FHOD3: variants seen among roughly 807,000 people sequenced by gnomAD.
The protein encoded by FHOD3 is formin homology 2 domain containing 3, also known as FH1/FH2 domain-containing protein 3.
In FHOD3, 90 loss-of-function variants were observed where a neutral mutation model predicts 173.0. That is an observed-to-expected ratio of 0.52 (90% CI 0.44 to 0.62). The LOEUF is 0.62. FHOD3 is among the 20% of genes least tolerant of loss of function. The pLI is 0.00. For synonymous variants in FHOD3, 828 were observed against 823.0 expected (o/e 1.01, Z -0.10); for missense variants, 1,945 against 2,034.7 (o/e 0.96, Z 0.85).
intron 19 of FHOD3, among the ~76,000 whole-genome samples, chr18:36,730,241 T>A (rs2041286533): frequency 6.6e-6 from 1 of 151,964 alleles, no homozygotes. Flanking sequence ...GTAAACCAGC[T>A]CTCTCTGGGC....
intron 26 of FHOD3, among the ~76,000 whole-genome samples, chr18:36,759,846 A>T (rs907714056): frequency 2.0e-5 from 3 of 152,198 alleles, no homozygotes; most frequent in Non-Finnish European, 4.4e-5. Context: ...TGCAAATGTT[A>T]ATCTGACTTT....
At chr18:36,413,830 GCAA>G (rs2049484488) in intron 3 of FHOD3, among the ~76,000 whole-genome samples, 1 of 152,094 alleles carries the variant, frequency 6.6e-6, no homozygotes, top group Non-Finnish European at 1.5e-5. Flanking sequence ...ACCATTTTGT[GCAA>G]CCATCACCAA....
intron 17 of FHOD3, among the ~76,000 whole-genome samples, chr18:36,695,180 T>TAAA (rs537635100): frequency 6.9e-6 from 1 of 143,910 alleles, no homozygotes; most frequent in African/African-American, 2.6e-5. Flanking sequence ...CGGTCTCTGC[T>TAAA]AAAAAAAAAA....
At chr18:36,735,077 G>A (rs955120645) in intron 20 of FHOD3, among the ~76,000 whole-genome samples, 1 of 152,160 alleles carries the variant, frequency 6.6e-6, no homozygotes, top group East Asian at 1.9e-4. Flanking sequence ...ATGGAAGTAT[G>A]ACGATTTTTA....
chr18:36,344,820 T>G lies in FHOD3; in HGVS notation c.166-10719T>G, dbSNP rs533675350. 3.9e-5 allele frequency among the ~76,000 whole-genome samples: 6 copies of G among 152,250 alleles called. No homozygotes were observed. In the South Asian group the frequency reaches 8.3e-4, roughly 21 times the overall value. On this transcript the variant is annotated intron_variant, in intron 1 of 28. Coordinates refer to ENST00000590592, the MANE Select transcript of FHOD3 (RefSeq NM_001281740.3). ...ATCTAAAATATATGGGTACCAAATA[T>G]TGTAAGTAAAGGACTAAAAGAAGAC...
At chr18:36,712,857 A>C (rs943557855) in intron 18 of FHOD3, among the ~76,000 whole-genome samples, 1 of 146,536 alleles carries the variant, frequency 6.8e-6, no homozygotes, top group Non-Finnish European at 1.5e-5. Flanking sequence ...AAAAAAAAAA[A>C]ATTTTGTAAG....
chr18:36,378,557 G>T (rs2047559846), intron 3 of FHOD3, among the ~76,000 whole-genome samples: 1 of 146,876 alleles, frequency 6.8e-6, no homozygotes, highest in African/African-American at 2.6e-5. Flanking sequence ...GGAATTGACA[G>T]GTGTGTCCAA....
chr18:36,431,561 G>A (rs529057862), intron 3 of FHOD3, among the ~76,000 whole-genome samples: 3 of 152,326 alleles, frequency 2.0e-5, no homozygotes, highest in Non-Finnish European at 4.4e-5. Context: ...AGCCTTGATG[G>A]CTGCATTGAA....
intron 17 of FHOD3, among the ~76,000 whole-genome samples, chr18:36,700,913 C>T (rs2039550171): frequency 6.6e-6 from 1 of 152,236 alleles, no homozygotes; most frequent in African/African-American, 2.4e-5. Context: ...CGAGCTGAGG[C>T]ATCTTCTCTT....
At chr18:36,654,791 G>A (rs1028113820) in intron 13 of FHOD3, among the ~76,000 whole-genome samples, 1 of 152,098 alleles carries the variant, frequency 6.6e-6, no homozygotes. Flanking sequence ...CCTTTGCTTG[G>A]TACCATGGAG....
chr18:36,552,745 G>A (rs1319973191), intron 5 of FHOD3, among the ~76,000 whole-genome samples: 5 of 152,022 alleles, frequency 3.3e-5, no homozygotes, highest in Admixed American at 6.5e-5. Flanking sequence ...TGATCCACCC[G>A]CCTCGGCCTC....
chr18:36,320,928 T>C (rs1299611480), intron 1 of FHOD3, among the ~76,000 whole-genome samples: 2 of 152,166 alleles, frequency 1.3e-5, no homozygotes, highest in Admixed American at 1.3e-4. Context: ...GGAGAGATGA[T>C]AAATAAAATG....
intron 2 of FHOD3, 22 bp from the exon 3 acceptor site, chr18:36,372,658 G>C (rs2047250143): frequency 8.1e-6 from 13 of 1,612,596 alleles, no homozygotes; most frequent in Non-Finnish European, 1.1e-5. Flanking sequence ...TGATGCCCCT[G>C]TTTTGTCTCC....
intron 3 of FHOD3, among the ~76,000 whole-genome samples, chr18:36,458,504 G>A (rs2052355303): frequency 6.6e-6 from 1 of 152,072 alleles, no homozygotes; most frequent in Non-Finnish European, 1.5e-5. Flanking sequence ...CCAGAACCAA[G>A]GATGGGGAGT....
intron 3 of FHOD3, among the ~76,000 whole-genome samples, chr18:36,442,338 A>C (rs1207595734): frequency 1.3e-5 from 2 of 152,156 alleles, no homozygotes; most frequent in African/African-American, 4.8e-5. Flanking sequence ...AAGATAAGAT[A>C]ATTTCCATAT....
At chr18:36,423,264 A>G (rs559236099) in intron 3 of FHOD3, among the ~76,000 whole-genome samples, 4 of 152,232 alleles carry the variant, frequency 2.6e-5, no homozygotes, top group Non-Finnish European at 5.9e-5. Flanking sequence ...ATTTAATGCC[A>G]TGATTACAAT....
In FHOD3 at chr18:36,418,082, G is replaced by A. The variant is rs559765027; in HGVS notation, c.337+45338G>A. ...TGCAATCATAGTGTTTGGTTTTTGCGGCAAAAATGACACTTGTCAGTTCTC... is the reference window on the plus strand; with the variant it reads ...TGCAATCATAGTGTTTGGTTTTTGCAGCAAAAATGACACTTGTCAGTTCTC... On this transcript the variant is annotated intron_variant, in intron 3 of 28. Coordinates refer to ENST00000590592, the MANE Select transcript of FHOD3 (RefSeq NM_001281740.3). Among the ~76,000 whole-genome samples the A allele has an allele frequency of 2.8e-4, 43 of 152,160 alleles. No homozygotes were observed. The South Asian group carries it at 7.1e-3, about 25-fold the overall frequency.
At chr18:36,676,984 A>C (rs986064228) in intron 14 of FHOD3, among the ~76,000 whole-genome samples, 1 of 152,202 alleles carries the variant, frequency 6.6e-6, no homozygotes, top group Non-Finnish European at 1.5e-5. Context: ...TTCAATGTGC[A>C]CAAATTTTAA....
chr18:36,584,108 G>A lies in FHOD3; in HGVS notation c.606+7563G>A, dbSNP rs1304817183. ...CTCCCAAAGTGCTAAGAATACAGGCGTGAGCCAGCATGCCCAGCCTGAGTT... is the reference window on the plus strand; with the variant it reads ...CTCCCAAAGTGCTAAGAATACAGGCATGAGCCAGCATGCCCAGCCTGAGTT... On this transcript the variant is annotated intron_variant, in intron 6 of 28. Transcript: ENST00000590592. Among the ~76,000 whole-genome samples, 3 of 152,184 alleles carry A rather than the reference G, an allele frequency of 2.0e-5. 1 individual carries two copies. The highest frequency in any genetic ancestry group is 4.1e-4 in the South Asian group (2 of 4,826).
Sources: gnomAD v4.1 joint callset for allele counts (sites outside exome capture counted in the v4.1 genomes callset) on GRCh38, gnomAD v4.1.1 for gene constraint, MANE v1.5 for transcripts, NCBI Gene and HGNC (gene_info 2026-07-23, HGNC 2026-07-21) for gene names.